Variants in PRKCE observed in about 807,000 individuals in gnomAD.
The protein encoded by PRKCE is protein kinase C epsilon type.
Under a neutral mutation model 85.4 loss-of-function variants are expected in PRKCE, and 16 were observed. The ratio of observed to expected loss-of-function variants is 0.19; its 90% CI spans 0.13 to 0.28. The LOEUF (loss-of-function observed/expected upper bound fraction) is 0.28, where lower values mean the gene tolerates loss of function less well. Among genes scored for constraint, PRKCE ranks in the 10% least tolerant of loss-of-function variants. The probability of loss-of-function intolerance (pLI) is 1.00; values close to 1 mark genes in which losing one functional copy is unlikely to be tolerated. For synonymous variants in PRKCE, 388 were observed against 371.5 expected (o/e 1.04, Z -0.51); for missense variants, 573 against 975.2 (o/e 0.59, Z 5.49).
chr2:45,705,886 T>G (rs1348617639), intron 1 of PRKCE, among the ~76,000 whole-genome samples: 3 of 152,214 alleles, frequency 2.0e-5, no homozygotes, highest in Non-Finnish European at 4.4e-5. Flanking sequence ...TGTTGGGACC[T>G]GGGGTCTTTC....
chr2:45,730,118 C>T (rs538398295), intron 1 of PRKCE, among the ~76,000 whole-genome samples: 4 of 152,252 alleles, frequency 2.6e-5, no homozygotes, highest in African/African-American at 9.6e-5. Flanking sequence ...TTACCATAGA[C>T]GCCAGGCTTG....
At chr2:45,855,909 C>T (rs1692632189) in intron 2 of PRKCE, among the ~76,000 whole-genome samples, 1 of 151,970 alleles carries the variant, frequency 6.6e-6, no homozygotes, top group South Asian at 2.1e-4. Context: ...CACTGACCTA[C>T]CTTCTGTCTT....
chr2:45,686,756 G>A (rs558865151), intron 1 of PRKCE, among the ~76,000 whole-genome samples: 1 of 152,198 alleles, frequency 6.6e-6, no homozygotes, highest in African/African-American at 2.4e-5. Flanking sequence ...GTATAGAATT[G>A]ATACTGTGTA....
At chr2:46,133,942 T>C (rs1409090357) in intron 11 of PRKCE, among the ~76,000 whole-genome samples, 3 of 152,144 alleles carry the variant, frequency 2.0e-5, no homozygotes, top group African/African-American at 7.2e-5. Context: ...AAGAGAGGCA[T>C]CTTTGGGATA....
chr2:45,849,793 C>T (rs559617138), intron 2 of PRKCE, among the ~76,000 whole-genome samples: 6 of 152,310 alleles, frequency 3.9e-5, no homozygotes, highest in South Asian at 4.1e-4. Context: ...CACCCCACCC[C>T]GGCATAACTT....
At chr2:45,965,528 C>T (rs1701676467) in intron 2 of PRKCE, among the ~76,000 whole-genome samples, 1 of 152,196 alleles carries the variant, frequency 6.6e-6, no homozygotes, top group Non-Finnish European at 1.5e-5. Context: ...CTGTGAGGAG[C>T]ACCTCCCAGT....
chr2:45,903,347 A>G (rs969913440), intron 2 of PRKCE, among the ~76,000 whole-genome samples: 2 of 152,204 alleles, frequency 1.3e-5, no homozygotes, highest in East Asian at 3.9e-4. Flanking sequence ...TGGCTACTCC[A>G]TAGACAGAGC....
At chr2:45,804,823 T>C (rs1688122245) in intron 1 of PRKCE, among the ~76,000 whole-genome samples, 2 of 152,152 alleles carry the variant, frequency 1.3e-5, no homozygotes, top group Admixed American at 6.5e-5. Flanking sequence ...TTAAGGCAAA[T>C]TAGTATAGGA....
At chr2:45,800,513 C>G (rs114256762) in intron 1 of PRKCE, among the ~76,000 whole-genome samples, 5 of 152,300 alleles carry the variant, frequency 3.3e-5, no homozygotes, top group African/African-American at 1.2e-4. Context: ...CAGGCTCTTG[C>G]CAATAGGCAA....
chr2:45,911,305 G>A (rs1558823826), intron 2 of PRKCE, among the ~76,000 whole-genome samples: 1 of 152,182 alleles, frequency 6.6e-6, no homozygotes, highest in Non-Finnish European at 1.5e-5. Flanking sequence ...TTTCTTCTCA[G>A]GAAAGGGAAT....
At chr2:46,087,035 G>A (rs1254344436) in intron 11 of PRKCE, among the ~76,000 whole-genome samples, 3 of 152,088 alleles carry the variant, frequency 2.0e-5, no homozygotes, top group Admixed American at 6.6e-5. Context: ...AATTCTGGGA[G>A]GAGTAAATAT....
intron 1 of PRKCE, among the ~76,000 whole-genome samples, chr2:45,701,704 C>G (rs931922486): frequency 1.3e-5 from 2 of 152,106 alleles, no homozygotes; most frequent in Non-Finnish European, 2.9e-5. Flanking sequence ...CAGGCATGGC[C>G]CCAGATGGAA....
chr2:46,097,519 C>CAAAAAAAAAAAAAA (rs66634467), intron 11 of PRKCE, among the ~76,000 whole-genome samples: 7 of 94,110 alleles, frequency 7.4e-5, no homozygotes, highest in Non-Finnish European at 1.5e-4. Context: ...GACTCCGTCT[C>CAAAAAAAAAAAAAA]AAAAAAAAAA....
At chr2:45,719,206 G>T (rs1355333889) in intron 1 of PRKCE, among the ~76,000 whole-genome samples, 1 of 152,202 alleles carries the variant, frequency 6.6e-6, no homozygotes, top group African/African-American at 2.4e-5. Context: ...CTGTTGGCTG[G>T]TCCTGGCTAC....
chr2:46,106,943 C>T (rs1034417300), intron 11 of PRKCE, among the ~76,000 whole-genome samples: 3 of 152,210 alleles, frequency 2.0e-5, no homozygotes, highest in Admixed American at 1.3e-4. Context: ...ATTTATAATA[C>T]AGATAAGTTA....
At chr2:45,910,730 T>C (rs1868389) in intron 2 of PRKCE, among the ~76,000 whole-genome samples, 78,837 of 151,912 alleles carry the variant, frequency 0.52, 20,570 homozygotes, top group South Asian at 0.61. Flanking sequence ...GGTAGGCGGG[T>C]CCATGGTGAA....
In PRKCE at chr2:46,098,022, C is replaced by T. The variant is rs1670872664; in HGVS notation, c.1592+11660C>T. 3.3e-5 allele frequency among the ~76,000 whole-genome samples: 5 copies of T among 152,146 alleles called. No individual in the cohort carries two copies. The South Asian group carries it at 1.0e-3, about 32-fold the overall frequency. The stretch of plus-strand genomic sequence containing the variant: ...GTAGAATTCTGACTGCCTTTGACAT[C>T]AGAGGTTTAGAGCAAACAGGAAGTT... On this transcript the variant is annotated intron_variant, in intron 11 of 14. Transcript: ENST00000306156.
intron 10 of PRKCE, among the ~76,000 whole-genome samples, chr2:46,073,243 C>A (rs1029338488): frequency 7.9e-5 from 12 of 152,324 alleles, no homozygotes; most frequent in Non-Finnish European, 1.0e-4. Flanking sequence ...TCCGATGTTG[C>A]ACAGAGGATT....
intron 11 of PRKCE, among the ~76,000 whole-genome samples, chr2:46,098,186 A>G (rs1322907966): frequency 6.6e-6 from 1 of 152,194 alleles, no homozygotes; most frequent in Non-Finnish European, 1.5e-5. Context: ...AGAACCCATT[A>G]TAGTGGTTAA....
Sources: allele counts gnomAD v4.1 joint callset (sites outside exome capture counted in the v4.1 genomes callset), GRCh38; gene constraint gnomAD v4.1.1; transcripts MANE v1.5; gene names NCBI Gene and HGNC (gene_info 2026-07-23, HGNC 2026-07-21).